HERC2: variants seen among roughly 807,000 people sequenced by gnomAD.
HERC2 encodes E3 ubiquitin-protein ligase HERC2.
HERC2 carries 102 observed loss-of-function variants against 537.7 expected under a neutral mutation model. The observed-to-expected ratio is 0.19, with a 90% confidence interval of 0.16 to 0.22. HERC2 has a LOEUF of 0.22. Ranked by LOEUF, HERC2 falls within the 10% of genes least tolerant of loss-of-function variation. The pLI, the probability that HERC2 is intolerant of heterozygous loss-of-function variation, is 1.00. For missense variants in HERC2, 4,236 were observed against 6,198.2 expected (o/e 0.68, Z 10.63); for synonymous variants, 2,224 against 2,466.2 (o/e 0.90, Z 2.91).
chr15:28,264,975 C>T (rs2140949570), intron 14 of HERC2, among the ~76,000 whole-genome samples: 1 of 152,126 alleles, frequency 6.6e-6, no homozygotes, highest in East Asian at 1.9e-4. Flanking sequence ...TAAGAAATGC[C>T]CAAAAGTCAC....
rs942463691 is a variant in HERC2 at position 28,284,539 on chromosome 15, GA to G, written c.323-4253del. 2.9e-4 allele frequency among the ~76,000 whole-genome samples: 41 copies of G among 142,382 alleles called. No homozygotes were observed. The South Asian group carries it at 3.5e-3, about 12-fold the overall frequency. 93.4% of individuals were successfully genotyped at this position (142,382 alleles called of 152,430 possible). On this transcript the variant is annotated intron_variant, in intron 4 of 92. Coordinates refer to ENST00000261609, the MANE Select transcript of HERC2 (RefSeq NM_004667.6). ...CAGGCAAACTGAAAATAGAAGTATA[GA>G]AAAAAAAAAAGATCATGCAAACATT...
rs760128455 is a variant in HERC2 at position 28,293,031 on chromosome 15, T to A, written c.188-9A>T. 6.3e-7 allele frequency: 1 copy of A among 1,597,758 alleles called. No homozygotes were observed. The highest frequency in any genetic ancestry group is 8.5e-7 in the Non-Finnish European group (1 of 1,176,602). On this transcript the variant is annotated splice_polypyrimidine_tract_variant and intron_variant, in intron 3 of 92. Transcript: ENST00000261609. The stretch of plus-strand genomic sequence containing the variant: ...TGGTTCGACACTATCATCTGCAGAA[T>A]TAAAAATTTTTTAATCTGTCACCGC...
In HERC2 at chr15:28,256,279, G is replaced by C. The variant is rs754327449; in HGVS notation, c.2556C>G (p.Phe852Leu). The C allele has an allele frequency of 6.3e-7, 1 of 1,597,064 alleles. No homozygotes were observed. Among genetic ancestry groups the C allele is most frequent in the South Asian group, 1.1e-5 (1 of 90,748 alleles). The change falls in exon 18 of 93, where the codon TTC (phenylalanine) becomes TTG (leucine). Residue 852 changes from phenylalanine to leucine, a missense_variant. By Grantham distance (22) the Phe-to-Leu change is conservative. Transcript: ENST00000261609. ...GGATGCTGCCCAGACCTAAACCAAGGAATTCCGGGTCAACCTGGTGACTAA... is the reference window on the plus strand; with the variant it reads ...GGATGCTGCCCAGACCTAAACCAAGCAATTCCGGGTCAACCTGGTGACTAA... ...AAISHQVDPE[F>L]LGLGLGSILL... is the part of the protein sequence containing the mutation.
chr15:28,303,398 G>A (rs1481188350), intron 2 of HERC2, among the ~76,000 whole-genome samples: 1 of 152,016 alleles, frequency 6.6e-6, no homozygotes. Flanking sequence ...TGCTGTTTTG[G>A]TATACCTTTC....
In HERC2 at chr15:28,268,351, G is replaced by T; in HGVS notation, c.1598+114C>A. 2.1e-6 allele frequency: 2 copies of T among 938,584 alleles called. No homozygotes were observed. Among genetic ancestry groups the T allele is most frequent in the Non-Finnish European group, 3.3e-6 (2 of 613,476 alleles). 58.1% of individuals were successfully genotyped at this position (938,584 alleles called of 1,614,324 possible). A position where few individuals can be genotyped will look rare whatever the true frequency, so the allele number is the denominator to read the frequency against. ...TCGTAGTGTCCTGCTCCATCCCAGC[G>T]CTACATGTCAGGGCAATTGGAAAAC... is the stretch of plus-strand genomic sequence containing the variant. On this transcript the variant is annotated intron_variant, in intron 12 of 92. Coordinates refer to ENST00000261609, the MANE Select transcript of HERC2 (RefSeq NM_004667.6). This position sits in a 1 kb window ranked among gnomAD's most constrained non-coding sequence, Gnocchi z 4.7.
At chr15:28,217,389 G>A (rs913243360) in intron 38 of HERC2, among the ~76,000 whole-genome samples, 4 of 151,958 alleles carry the variant, frequency 2.6e-5, no homozygotes, top group African/African-American at 2.4e-5. Flanking sequence ...CAACACAAAC[G>A]CTCAGCCACT....
At chr15:28,168,320 A>T in intron 67 of HERC2, 87 bp downstream of exon 67, 1 of 1,337,126 alleles carries the variant, frequency 7.5e-7, no homozygotes, top group South Asian at 1.4e-5. Flanking sequence ...GAAACAGCCT[A>T]AACTAAATGA....
chr15:28,302,899 G>A (rs1284365457), intron 2 of HERC2, among the ~76,000 whole-genome samples: 11 of 151,932 alleles, frequency 7.2e-5, no homozygotes, highest in Non-Finnish European at 1.3e-4. Flanking sequence ...TATATATTCT[G>A]GTTATTAATC....
At chr15:28,163,347 C>T in intron 68 of HERC2, 62 bp from the exon 69 acceptor site, 5 of 1,454,682 alleles carry the variant, frequency 3.4e-6, no homozygotes, top group Non-Finnish European at 4.7e-6. Flanking sequence ...TAAAGAGTCA[C>T]CAGTTTACCC....
chr15:28,239,853 A>C (rs150231163), intron 23 of HERC2, among the ~76,000 whole-genome samples: 2,440 of 152,324 alleles, frequency 0.016, 44 homozygotes, highest in South Asian at 0.07. Context: ...CAGGGAGAGG[A>C]GGGCCTGGAG....
rs1209805972 is a variant in HERC2 at position 28,278,071 on chromosome 15, C to G, written c.542+1997G>C. 2.0e-5 allele frequency among the ~76,000 whole-genome samples: 3 copies of G among 149,938 alleles called. No homozygotes were observed. In the East Asian group the frequency reaches 5.9e-4, roughly 29 times the overall value. On this transcript the variant is annotated intron_variant, in intron 5 of 92. Transcript: ENST00000261609. The stretch of plus-strand genomic sequence containing the variant: ...AGGGGTTCAAGACCAGCCCGGGCAA[C>G]ATGGCAAAACCCAATCTATACAAAT...
chr15:28,199,683 G>T (rs1340082378), intron 48 of HERC2, among the ~76,000 whole-genome samples: 1 of 152,162 alleles, frequency 6.6e-6, no homozygotes, highest in East Asian at 1.9e-4. Flanking sequence ...CAAGGAAGGA[G>T]CAGGCTGACA....
intron 89 of HERC2, 160 bp downstream of exon 89, chr15:28,115,269 T>TTG: frequency 1.9e-6 from 1 of 515,524 alleles, no homozygotes; most frequent in Non-Finnish European, 3.4e-6. Context: ...TCTATTTTTT[T>TTG]TTTTTTTTTT....
intron 68 of HERC2, among the ~76,000 whole-genome samples, chr15:28,164,714 A>G (rs1172925810): frequency 6.6e-6 from 1 of 152,238 alleles, no homozygotes; most frequent in African/African-American, 2.4e-5. Flanking sequence ...AACTGAAATA[A>G]TAGAAATACA....
rs757955903 is a variant in HERC2 at position 28,121,327 on chromosome 15, A to T, written c.13272+19T>A. ...ACTTCTAAGGCTGTCAGACTTGGAG[A>T]GTAATCTCCATGTGCTACCTGGATG... On this transcript the variant is annotated intron_variant, in intron 86 of 92. Transcript: ENST00000261609. The T allele has an allele frequency of 1.2e-5, 19 of 1,608,628 alleles. No individual in the cohort carries two copies. The Admixed American group carries it at 1.3e-4, about 11-fold the overall frequency.
At chr15:28,190,724 G>A in intron 55 of HERC2, 2 of 557,820 alleles carry the variant, frequency 3.6e-6, no homozygotes, top group Non-Finnish European at 6.3e-6. Context: ...CAGTTACCAA[G>A]TATACCTCTG....
chr15:28,136,585 C>CA (rs2142201018), intron 78 of HERC2, among the ~76,000 whole-genome samples: 1 of 152,332 alleles, frequency 6.6e-6, no homozygotes, highest in South Asian at 2.1e-4. Flanking sequence ...GACAGGGAGA[C>CA]AGAGGCTTGC....
chr15:28,286,329 C>G (rs529490700), intron 4 of HERC2, among the ~76,000 whole-genome samples: 1 of 151,984 alleles, frequency 6.6e-6, no homozygotes, highest in East Asian at 1.9e-4. Context: ...GTACAAAGTA[C>G]AGAACAATAT....
rs575727276 is a variant in HERC2, at chr15:28,303,420, G to A, written c.73-3904C>T. On this transcript the variant is annotated intron_variant, in intron 2 of 92. Coordinates refer to ENST00000261609, the MANE Select transcript of HERC2 (RefSeq NM_004667.6). ...TTGGTATACCTTTCTAGTAAACTTTGCACTTGATCTAAGCCAAAAAAGACC... is the reference window on the plus strand; with the variant it reads ...TTGGTATACCTTTCTAGTAAACTTTACACTTGATCTAAGCCAAAAAAGACC... Among the ~76,000 whole-genome samples the A allele has an allele frequency of 4.5e-4, 68 of 152,092 alleles. No individual in the cohort carries two copies. In the East Asian group the frequency reaches 0.01, roughly 23 times the overall value.
Sources: allele counts gnomAD v4.1 joint callset (sites outside exome capture counted in the v4.1 genomes callset), GRCh38; gene constraint gnomAD v4.1.1; non-coding constraint Gnocchi (gnomAD v3.1); transcripts MANE v1.5; gene names NCBI Gene and HGNC (gene_info 2026-07-23, HGNC 2026-07-21).